The following WWTR1 variants were observed in gnomAD, a reference collection of about 807,000 sequenced individuals.
The protein encoded by WWTR1 is WW domain containing transcription regulator 1, also known as WW domain-containing transcription regulator protein 1.
Under a neutral mutation model 40.1 loss-of-function variants are expected in WWTR1, and 13 were observed. The observed-to-expected ratio is 0.32, with a 90% CI of 0.21 to 0.52. The LOEUF (loss-of-function observed/expected upper bound fraction) is 0.52, where lower values mean the gene tolerates loss of function less well. Ranked by LOEUF, WWTR1 falls within the 20% of genes least tolerant of loss-of-function variation. WWTR1 has a pLI of 0.97. For missense variants in WWTR1, 436 were observed against 523.1 expected (o/e 0.83, Z 1.63); for synonymous variants, 230 against 210.1 (o/e 1.09, Z -0.82).
chr3:149,560,956 A>ACC (rs5853422), intron 3 of WWTR1, among the ~76,000 whole-genome samples: 64 of 148,292 alleles, frequency 4.3e-4, no homozygotes, highest in Non-Finnish European at 7.6e-4. Flanking sequence ...AGAAAGTAAC[A>ACC]CCCCCCCCCG....
intron 2 of WWTR1, among the ~76,000 whole-genome samples, chr3:149,584,244 C>G (rs1738300593): frequency 6.6e-6 from 1 of 152,194 alleles, no homozygotes; most frequent in South Asian, 2.1e-4. Flanking sequence ...AAATGTCACT[C>G]ATCCCAAAAA....
chr3:149,547,203 A>G (rs181459696), intron 3 of WWTR1, among the ~76,000 whole-genome samples: 4 of 145,878 alleles, frequency 2.7e-5, no homozygotes, highest in Admixed American at 2.2e-4. Context: ...AGAACATTTT[A>G]GGGAGAGAAC....
At chr3:149,674,623 C>A (rs1364236319) in intron 1 of WWTR1, among the ~76,000 whole-genome samples, 4 of 152,026 alleles carry the variant, frequency 2.6e-5, no homozygotes, top group African/African-American at 7.2e-5. Context: ...TTAAGGCTAG[C>A]CTTCAGAGAG....
intron 2 of WWTR1, among the ~76,000 whole-genome samples, chr3:149,594,950 CTTTTTTTTTTT>C (rs563658190): frequency 3.9e-4 from 24 of 61,770 alleles, no homozygotes; most frequent in Non-Finnish European, 6.2e-4. Flanking sequence ...CTCTTTTTTA[CTTTTTTTTTTT>C]TTTTTTTTTT....
intron 4 of WWTR1, among the ~76,000 whole-genome samples, chr3:149,539,316 A>C (rs1735978144): frequency 6.6e-6 from 1 of 152,328 alleles, no homozygotes; most frequent in Admixed American, 6.5e-5. Context: ...ACAGCGTGAT[A>C]ATTTATTAGT....
rs539509314 is a variant in WWTR1, at chr3:149,610,977, T to C, written c.432-37977A>G. ...GGGCAGTGAACCAAGACCCCATCTG[T>C]ACAAAAAAAAAAAATTTTTTTTAAA... On this transcript the variant is annotated intron_variant, in intron 2 of 6. Transcript: ENST00000360632. Among the ~76,000 whole-genome samples, 105 of 136,824 alleles carry C rather than the reference T, an allele frequency of 7.7e-4. No individual in the cohort carries two copies. In the Middle Eastern group the frequency reaches 0.015, roughly 19 times the overall value. The allele number at this position is 136,824 out of a possible 152,430, so 89.8% of individuals were successfully genotyped here. A position where few individuals can be genotyped will look rare whatever the true frequency, so the allele number is the denominator to read the frequency against.
chr3:149,554,242 T>C (rs1392878775), intron 3 of WWTR1, among the ~76,000 whole-genome samples: 1 of 152,170 alleles, frequency 6.6e-6, no homozygotes, highest in Non-Finnish European at 1.5e-5. Context: ...GAATATATGT[T>C]GATTCAGCCA....
chr3:149,546,799 T>C (rs1441115020), intron 3 of WWTR1, among the ~76,000 whole-genome samples: 1 of 152,128 alleles, frequency 6.6e-6, no homozygotes, highest in Non-Finnish European at 1.5e-5. Flanking sequence ...CAGCTTAGGA[T>C]ATAATCAAGA....
intron 2 of WWTR1, among the ~76,000 whole-genome samples, chr3:149,594,400 G>A (rs1285438380): frequency 6.6e-6 from 1 of 152,052 alleles, no homozygotes; most frequent in Non-Finnish European, 1.5e-5. Flanking sequence ...AAACACATCT[G>A]AGACCATTAG....
chr3:149,653,012 C>T (rs1475517063), intron 2 of WWTR1, among the ~76,000 whole-genome samples: 1 of 152,144 alleles, frequency 6.6e-6, no homozygotes, highest in Non-Finnish European at 1.5e-5. Flanking sequence ...TTCTGTCACA[C>T]ATTTGAGAAA....
intron 2 of WWTR1, among the ~76,000 whole-genome samples, chr3:149,622,495 AAGG>A (rs1397962331): frequency 0.011 from 1,397 of 121,998 alleles, 24 homozygotes; most frequent in African/African-American, 0.038. Context: ...GGAAGGAAGG[AAGG>A]AAGGAAGAAA....
intron 3 of WWTR1, among the ~76,000 whole-genome samples, chr3:149,564,533 C>T (rs1737222878): frequency 6.6e-6 from 1 of 150,894 alleles, no homozygotes; most frequent in African/African-American, 2.4e-5. Flanking sequence ...AGTAATATAA[C>T]CGCATTACAG....
intron 2 of WWTR1, among the ~76,000 whole-genome samples, chr3:149,622,502 G>GAAGGAAGGAAGGAAGGAAGGAAGGAAGA (rs1553800283): frequency 8.6e-5 from 4 of 46,298 alleles, no homozygotes; most frequent in Non-Finnish European, 1.3e-4. Context: ...AGGAAGGAAG[G>GAAGGAAGGAAGGAAGGAAGGAAGGAAGA]AAGAAAGAAA....
At chr3:149,588,112 T>C (rs1738514789) in intron 2 of WWTR1, among the ~76,000 whole-genome samples, 1 of 152,200 alleles carries the variant, frequency 6.6e-6, no homozygotes, top group Non-Finnish European at 1.5e-5. Flanking sequence ...AGAGACTAAG[T>C]TCTAGACAAT....
chr3:149,690,945 T>C (rs1714805087), intron 1 of WWTR1, among the ~76,000 whole-genome samples: 2 of 152,150 alleles, frequency 1.3e-5, no homozygotes, highest in South Asian at 4.1e-4. Context: ...CATAAGGAAC[T>C]TTGAAAACTA....
At chr3:149,670,439 C>T (rs75074446) in intron 1 of WWTR1, among the ~76,000 whole-genome samples, 4,773 of 152,192 alleles carry the variant, frequency 0.031, 153 homozygotes, top group East Asian at 0.13. Context: ...TCCTCTTCCT[C>T]CTTCACTATC....
At chr3:149,706,081 C>G (rs1482030423), upstream of WWTR1, among the ~76,000 whole-genome samples, 1 of 152,072 alleles carries the variant, frequency 6.6e-6, no homozygotes, top group Non-Finnish European at 1.5e-5. Context: ...GTCCCAGCTA[C>G]TCAGGATAAG....
chr3:149,709,368 T>C (rs1419146885), intron 5 of WWTR1, among the ~76,000 whole-genome samples: 3 of 152,112 alleles, frequency 2.0e-5, no homozygotes, highest in Non-Finnish European at 4.4e-5. Context: ...TGTTGATTAG[T>C]AATTTTGGGT....
intron 2 of WWTR1, among the ~76,000 whole-genome samples, chr3:149,641,650 G>T (rs1430757343): frequency 6.6e-6 from 1 of 152,204 alleles, no homozygotes; most frequent in Non-Finnish European, 1.5e-5. Flanking sequence ...CAAAGTTTCA[G>T]GCAAAGTCTC....
Sources: gnomAD v4.1 joint callset for allele counts (sites outside exome capture counted in the v4.1 genomes callset) on GRCh38, gnomAD v4.1.1 for gene constraint, MANE v1.5 for transcripts, NCBI Gene and HGNC (gene_info 2026-07-23, HGNC 2026-07-21) for gene names.